The following MAGI2 variants were observed in gnomAD, a reference collection of about 807,000 sequenced individuals.
MAGI2 encodes the protein membrane-associated guanylate kinase, WW and PDZ domain-containing protein 2.
Under a neutral mutation model 133.3 loss-of-function variants are expected in MAGI2, and 35 were observed. The observed-to-expected ratio is 0.26, with a 90% confidence interval of 0.20 to 0.35. MAGI2 has a LOEUF of 0.35. MAGI2 is among the 10% of genes least tolerant of loss of function. MAGI2 has a pLI of 1.00. For missense variants in MAGI2, 1,636 were observed against 1,863.4 expected, an observed-to-expected ratio of 0.88 and a Z score of 2.25; for synonymous variants, 729 against 710.6, an observed-to-expected ratio of 1.03 and a Z score of -0.41.
chr7:79,181,243 G>A lies in MAGI2; in HGVS notation c.302-174037C>T, dbSNP rs930693133. 1.2e-4 allele frequency among the ~76,000 whole-genome samples: 18 copies of A among 151,946 alleles called. 1 individual carries two copies. The highest frequency in any genetic ancestry group is 3.9e-4 in the African/African-American group (16 of 41,296). On this transcript the variant is annotated intron_variant, in intron 1 of 21. Transcript: ENST00000354212. ...TCCCTTCTGCATTGCCCTAGAAGAG[G>A]GTCTCCATGAGGGCCCTGCCACTGC... is the stretch of plus-strand genomic sequence containing the variant.
chr7:79,131,318 G>C (rs550763572), intron 1 of MAGI2, among the ~76,000 whole-genome samples: 9 of 152,244 alleles, frequency 5.9e-5, no homozygotes, highest in African/African-American at 2.2e-4. Flanking sequence ...ATCAACACAG[G>C]TTTCATCTAT....
At chr7:78,234,361 G>A (rs984459423) in intron 10 of MAGI2, among the ~76,000 whole-genome samples, 4 of 152,070 alleles carry the variant, frequency 2.6e-5, no homozygotes, top group African/African-American at 9.7e-5. Context: ...ATACAAAACT[G>A]ATTTATCTAA....
chr7:78,367,858 TAATTC>T (rs1793540352), intron 7 of MAGI2, among the ~76,000 whole-genome samples: 1 of 152,224 alleles, frequency 6.6e-6, no homozygotes, highest in South Asian at 2.1e-4. Context: ...GTAGGTACTT[TAATTC>T]ATCAGCAATC....
At chr7:78,687,737 G>C (rs949804812) in intron 2 of MAGI2, among the ~76,000 whole-genome samples, 1 of 152,062 alleles carries the variant, frequency 6.6e-6, no homozygotes, top group African/African-American at 2.4e-5. Context: ...GGGAGGCTGA[G>C]GCGGGTGGAT....
At chr7:79,114,158 T>G (rs552034760) in intron 1 of MAGI2, among the ~76,000 whole-genome samples, 2 of 152,258 alleles carry the variant, frequency 1.3e-5, no homozygotes, top group South Asian at 4.1e-4. Flanking sequence ...CTTCTCCAGG[T>G]TAAGTGTTAC....
At position 79,136,627 on chromosome 7, in the gene MAGI2, C is replaced by T. The variant is rs190859589; in HGVS notation, c.302-129421G>A. ...GGCAAATATTACCTCTTCTAGGATACCCTCAAATAGACTGAACTCTTCTCC... is the reference window on the plus strand; with the variant it reads ...GGCAAATATTACCTCTTCTAGGATATCCTCAAATAGACTGAACTCTTCTCC... On this transcript the variant is annotated intron_variant, in intron 1 of 21. Coordinates refer to ENST00000354212, the MANE Select transcript of MAGI2 (RefSeq NM_012301.4). 5.0e-3 allele frequency among the ~76,000 whole-genome samples: 758 copies of T among 152,276 alleles called. 2 individuals carry two copies. The highest frequency in any genetic ancestry group is 7.8e-3 in the Non-Finnish European group (531 of 68,018).
At chr7:78,464,636 G>GA (rs1790423201) in intron 6 of MAGI2, among the ~76,000 whole-genome samples, 1 of 150,932 alleles carries the variant, frequency 6.6e-6, no homozygotes, top group South Asian at 2.1e-4. Flanking sequence ...CCAGATTTTA[G>GA]AAAAAAGTTA....
intron 2 of MAGI2, among the ~76,000 whole-genome samples, chr7:78,914,857 A>G (rs1798669551): frequency 6.6e-6 from 1 of 152,146 alleles, no homozygotes; most frequent in Non-Finnish European, 1.5e-5. Flanking sequence ...TTAACTTGAC[A>G]ATGTCAAAGA....
chr7:78,242,888 A>G (rs1219361859), intron 10 of MAGI2, among the ~76,000 whole-genome samples: 1 of 151,996 alleles, frequency 6.6e-6, no homozygotes, highest in Non-Finnish European at 1.5e-5. Flanking sequence ...GACCAACCTG[A>G]GCAACATGTT....
intron 3 of MAGI2, among the ~76,000 whole-genome samples, chr7:78,525,506 A>C: frequency 6.6e-6 from 1 of 152,220 alleles, no homozygotes; most frequent in South Asian, 2.1e-4. Context: ...GAAAAAAATA[A>C]ATATCAAAAC....
At chr7:79,025,272 T>C (rs753098875) in intron 1 of MAGI2, among the ~76,000 whole-genome samples, 4 of 152,100 alleles carry the variant, frequency 2.6e-5, no homozygotes, top group Non-Finnish European at 5.9e-5. Context: ...AATACTGCAT[T>C]TTCTCATGTA....
chr7:78,368,818 A>T (rs1482970573), intron 7 of MAGI2, among the ~76,000 whole-genome samples: 2 of 152,216 alleles, frequency 1.3e-5, no homozygotes, highest in Non-Finnish European at 2.9e-5. Context: ...GTTTTAATAG[A>T]ACATCTCATT....
intron 1 of MAGI2, among the ~76,000 whole-genome samples, chr7:79,205,651 A>C (rs1166523793): frequency 6.6e-6 from 1 of 151,948 alleles, no homozygotes; most frequent in Non-Finnish European, 1.5e-5. Context: ...ACTATTAAAA[A>C]AAAGACTACA....
At chr7:79,260,407 CATACAT>C (rs1833995185) in intron 1 of MAGI2, among the ~76,000 whole-genome samples, 2 of 102,464 alleles carry the variant, frequency 2.0e-5, no homozygotes, top group African/African-American at 6.5e-5. Context: ...TACATACATA[CATACAT>C]ACACTACATT....
At chr7:79,230,270 A>C (rs1263251071) in intron 1 of MAGI2, among the ~76,000 whole-genome samples, 2 of 151,484 alleles carry the variant, frequency 1.3e-5, no homozygotes, top group Non-Finnish European at 2.9e-5. Flanking sequence ...ATGTGTCTTT[A>C]TAGCAGCATG....
At chr7:78,582,597 C>T (rs1802950614) in intron 3 of MAGI2, among the ~76,000 whole-genome samples, 3 of 152,208 alleles carry the variant, frequency 2.0e-5, no homozygotes, top group African/African-American at 7.2e-5. Context: ...ATGAAGGAAT[C>T]TGATGCCTGA....
At chr7:78,496,169 CAT>C (rs1794070313) in intron 5 of MAGI2, among the ~76,000 whole-genome samples, 1 of 152,080 alleles carries the variant, frequency 6.6e-6, no homozygotes, top group African/African-American at 2.4e-5. Flanking sequence ...CAAAAAGAAA[CAT>C]AAACTAATTG....
chr7:78,295,528 C>A (rs1315538145), intron 9 of MAGI2, among the ~76,000 whole-genome samples: 1 of 152,010 alleles, frequency 6.6e-6, no homozygotes, highest in African/African-American at 2.4e-5. Context: ...CATATATGAT[C>A]ACTATCTTCC....
At chr7:78,946,664 G>A (rs1317424347) in intron 2 of MAGI2, 1 of 151,998 alleles carries the variant, frequency 6.6e-6, no homozygotes, top group Non-Finnish European at 1.5e-5. Context: ...ACTGCTTCTG[G>A]GTTATGTTTA....
Sources: allele counts gnomAD v4.1 joint callset (sites outside exome capture counted in the v4.1 genomes callset), GRCh38; gene constraint gnomAD v4.1.1; transcripts MANE v1.5; gene names NCBI Gene and HGNC (gene_info 2026-07-23, HGNC 2026-07-21).